Variants in MICAL3 observed in about 807,000 individuals in gnomAD.
The protein encoded by MICAL3 is microtubule associated monooxygenase, calponin and LIM domain containing 3, also known as [F-actin]-monooxygenase MICAL3.
MICAL3 carries 62 observed loss-of-function variants against 207.4 expected under a neutral mutation model. The ratio of observed to expected loss-of-function variants is 0.30; its 90% CI spans 0.24 to 0.37. The LOEUF (loss-of-function observed/expected upper bound fraction) is 0.37, where lower values mean the gene tolerates loss of function less well. Ranked by LOEUF, MICAL3 falls within the 10% of genes least tolerant of loss-of-function variation. MICAL3 has a pLI of 1.00. For synonymous variants in MICAL3, 1,077 were observed against 1,069.3 expected (o/e 1.01, Z -0.14); for missense variants, 2,368 against 2,635.6 (o/e 0.90, Z 2.22).
chr22:17,986,690 C>T (rs544201068), intron 1 of MICAL3, among the ~76,000 whole-genome samples: 6 of 152,296 alleles, frequency 3.9e-5, no homozygotes, highest in Admixed American at 6.5e-5. Flanking sequence ...TGTCTCATCA[C>T]GCACAGAATG....
At chr22:17,897,213 G>A (rs1456018031) in intron 7 of MICAL3, among the ~76,000 whole-genome samples, 1 of 151,984 alleles carries the variant, frequency 6.6e-6, no homozygotes, top group Non-Finnish European at 1.5e-5. Flanking sequence ...ACTTGAGGAC[G>A]TGACTTCGAG....
intron 29 of MICAL3, among the ~76,000 whole-genome samples, chr22:17,797,823 G>A (rs961943232): frequency 1.3e-5 from 2 of 152,226 alleles, no homozygotes; most frequent in African/African-American, 2.4e-5. Flanking sequence ...AGCAGAGGAC[G>A]CAGAGGTGGG....
In MICAL3 at chr22:17,861,574, C is replaced by G. The variant is rs527472133; in HGVS notation, c.2605+3325G>C. ...CGAATTCAAGAAACCTGTAACTAAACTTCTCATGTCCAAGGGGAAAATAAT... is the reference window on the plus strand; with the variant it reads ...CGAATTCAAGAAACCTGTAACTAAAGTTCTCATGTCCAAGGGGAAAATAAT... On this transcript the variant is annotated intron_variant, in intron 19 of 31. Transcript: ENST00000441493. 4.1e-6 allele frequency: 4 copies of G among 985,396 alleles called. No individual in the cohort carries two copies. In the African/African-American group the frequency reaches 7.0e-5, roughly 17 times the overall value. The allele number at this position is 985,396 out of a possible 1,614,324, so 61.0% of individuals were successfully genotyped here. A position where few individuals can be genotyped will look rare whatever the true frequency, so the allele number is the denominator to read the frequency against.
intron 1 of MICAL3, among the ~76,000 whole-genome samples, chr22:17,974,108 T>C (rs370241): frequency 0.42 from 63,722 of 151,954 alleles, 14,239 homozygotes; most frequent in Middle Eastern, 0.58. Flanking sequence ...AAAGAATGAC[T>C]TTCCTGTTAC....
At chr22:17,857,277 C>G (rs957175089) in intron 19 of MICAL3, among the ~76,000 whole-genome samples, 1 of 152,180 alleles carries the variant, frequency 6.6e-6, no homozygotes, top group South Asian at 2.1e-4. Flanking sequence ...GTCAGATCAG[C>G]GGTGGCGGCA....
At chr22:17,908,873 A>G (rs1931939463) in intron 1 of MICAL3, among the ~76,000 whole-genome samples, 1 of 152,068 alleles carries the variant, frequency 6.6e-6, no homozygotes, top group Admixed American at 6.5e-5. Context: ...GCTGAAACCA[A>G]CTCTTGGAAG....
At chr22:17,820,947 TAAA>T (rs1921553846) in intron 25 of MICAL3, among the ~76,000 whole-genome samples, 1 of 142,734 alleles carries the variant, frequency 7.0e-6, no homozygotes. Context: ...TTTATGTTTA[TAAA>T]CATAAATTTT....
chr22:17,997,968 A>G (rs965017703), intron 1 of MICAL3, among the ~76,000 whole-genome samples: 7 of 151,826 alleles, frequency 4.6e-5, no homozygotes, highest in African/African-American at 1.2e-4. Context: ...AGATGTGTGG[A>G]TTTTTTCCCC....
intron 1 of MICAL3, among the ~76,000 whole-genome samples, chr22:17,927,449 G>A (rs578133383): frequency 1.3e-5 from 2 of 152,252 alleles, no homozygotes; most frequent in South Asian, 4.1e-4. Flanking sequence ...TTCTTCCAAA[G>A]TGATCTTTCT....
chr22:17,856,661 C>CCGGACTG (rs1403874314), intron 19 of MICAL3, among the ~76,000 whole-genome samples: 17 of 131,806 alleles, frequency 1.3e-4, no homozygotes, highest in African/African-American at 4.6e-4. Flanking sequence ...GTCGCCCAGG[C>CCGGACTG]CGGACTGCGG....
chr22:17,922,254 A>T (rs1602225214), intron 1 of MICAL3, among the ~76,000 whole-genome samples: 1 of 152,316 alleles, frequency 6.6e-6, no homozygotes, highest in East Asian at 1.9e-4. Flanking sequence ...ATTCACGTTC[A>T]TGTTTGCACG....
chr22:17,886,185 A>G, intron 15 of MICAL3, 134 bp from the exon 16 acceptor site: 1 of 891,454 alleles, frequency 1.1e-6, no homozygotes, highest in Non-Finnish European at 1.8e-6. Context: ...TCCCGTGTCC[A>G]CACAGAGACA....
intron 27 of MICAL3, chr22:17,814,818 C>T (rs2062085839): frequency 6.8e-6 from 1 of 147,594 alleles, no homozygotes; most frequent in Non-Finnish European, 1.5e-5. Context: ...CGTAGGTCAT[C>T]CATCCCCTAG....
intron 29 of MICAL3, among the ~76,000 whole-genome samples, chr22:17,799,982 A>ACACACACACG (rs932512538): frequency 8.4e-4 from 124 of 147,752 alleles, no homozygotes; most frequent in African/African-American, 3.0e-3. Flanking sequence ...ACACACACAC[A>ACACACACACG]CGCGTTGGGA....
chr22:17,987,457 G>A (rs1396571171), intron 1 of MICAL3, among the ~76,000 whole-genome samples: 1 of 152,142 alleles, frequency 6.6e-6, no homozygotes, highest in Non-Finnish European at 1.5e-5. Context: ...ACAAGTGATC[G>A]GTGAGCCCTA....
intron 28 of MICAL3, among the ~76,000 whole-genome samples, chr22:17,810,354 C>T (rs1291842601): frequency 4.6e-5 from 7 of 152,278 alleles, no homozygotes; most frequent in Admixed American, 3.3e-4. Context: ...TGAGCCACCG[C>T]ACCCAGCCAA....
At chr22:17,950,780 C>G (rs1294105283) in intron 1 of MICAL3, among the ~76,000 whole-genome samples, 1 of 152,198 alleles carries the variant, frequency 6.6e-6, no homozygotes, top group Non-Finnish European at 1.5e-5. Context: ...TGTTGCTGAT[C>G]TGAAGAAGAG....
chr22:17,832,749 A>G (rs566796092), intron 20 of MICAL3, among the ~76,000 whole-genome samples: 1 of 150,430 alleles, frequency 6.6e-6, no homozygotes, highest in Non-Finnish European at 1.5e-5. Flanking sequence ...TGGTGGGGGG[A>G]GGGGGGACCC....
At chr22:17,910,589 C>T (rs116969630) in intron 1 of MICAL3, among the ~76,000 whole-genome samples, 1,859 of 152,256 alleles carry the variant, frequency 0.012, 20 homozygotes, top group Non-Finnish European at 0.016. Flanking sequence ...TGGAACAATG[C>T]GACCGGCACC....
Sources: gnomAD v4.1 joint callset for allele counts (sites outside exome capture counted in the v4.1 genomes callset) on GRCh38, gnomAD v4.1.1 for gene constraint, MANE v1.5 for transcripts, NCBI Gene and HGNC (gene_info 2026-07-23, HGNC 2026-07-21) for gene names.